The following CLVS1 variants were observed in gnomAD, a reference collection of about 807,000 sequenced individuals.
CLVS1 encodes clavesin-1.
Under a neutral mutation model 33.1 loss-of-function variants are expected in CLVS1, and 10 were observed. That is an observed-to-expected ratio of 0.30 (90% CI 0.19 to 0.51). The LOEUF is 0.51. CLVS1 is among the 20% of genes least tolerant of loss of function. The probability of loss-of-function intolerance (pLI) is 0.97; values close to 1 mark genes in which losing one functional copy is unlikely to be tolerated. For synonymous variants in CLVS1, 163 were observed against 166.1 expected (o/e 0.98, Z 0.14); for missense variants, 343 against 433.4 (o/e 0.79, Z 1.85).
upstream of CLVS1, among the ~76,000 whole-genome samples, chr8:61,056,178 T>G (rs1366414971): frequency 1.3e-5 from 2 of 152,228 alleles, no homozygotes; most frequent in Non-Finnish European, 2.9e-5. Context: ...GGCAGTAGTT[T>G]CTGCCTCCTG....
chr8:61,317,472 C>A (rs1811053541), intron 2 of CLVS1, among the ~76,000 whole-genome samples: 1 of 152,102 alleles, frequency 6.6e-6, no homozygotes, highest in African/African-American at 2.4e-5. Context: ...CAATTTTTAT[C>A]CCCTAGGATT....
In CLVS1 at chr8:61,078,058, C is replaced by A. The variant is rs1346889673; in HGVS notation, c.-243+20828C>A. 2.0e-5 allele frequency among the ~76,000 whole-genome samples: 3 copies of A among 152,318 alleles called. No individual in the cohort carries two copies. The South Asian group carries it at 6.2e-4, about 32-fold the overall frequency. On this transcript the variant is annotated intron_variant, in intron 1 of 2. Coordinates refer to the CLVS1 transcript ENST00000522621. ...GGAGGAAGCCGAGGGGAGCGCTGAT[C>A]TGAAGTTTTAAACAGAGCCCCAGTG...
At chr8:61,422,577 C>T (rs1815721646) in intron 3 of CLVS1, among the ~76,000 whole-genome samples, 1 of 152,120 alleles carries the variant, frequency 6.6e-6, no homozygotes, top group Non-Finnish European at 1.5e-5. Flanking sequence ...CTTTTAAGGC[C>T]TAATGTATAC....
intron 2 of CLVS1, among the ~76,000 whole-genome samples, chr8:61,268,090 T>A (rs551480118): frequency 2.6e-4 from 40 of 152,076 alleles, no homozygotes; most frequent in Middle Eastern, 6.8e-3. Context: ...TATGTATACA[T>A]GTGCCATGCT....
the CLVS1 span, among the ~76,000 whole-genome samples, chr8:61,015,644 G>T: frequency 9.2e-5 from 14 of 152,212 alleles, no homozygotes; most frequent in African/African-American, 3.4e-4. Flanking sequence ...AGAAAAGTGA[G>T]TCAAATTGAG....
chr8:61,473,969 T>C (rs1438018653), intron 5 of CLVS1, among the ~76,000 whole-genome samples: 1 of 152,066 alleles, frequency 6.6e-6, no homozygotes, highest in East Asian at 1.9e-4. Context: ...TCTCCTGTTC[T>C]AAAGCTCAGG....
At chr8:61,051,618 C>T in the CLVS1 span, among the ~76,000 whole-genome samples, 116 of 152,368 alleles carry the variant, frequency 7.6e-4, no homozygotes, top group African/African-American at 2.5e-3. Flanking sequence ...GCCCCACATC[C>T]GCAAAGAGCT....
intron 2 of CLVS1, among the ~76,000 whole-genome samples, chr8:61,209,763 A>G (rs1563446185): frequency 6.6e-6 from 1 of 152,232 alleles, no homozygotes; most frequent in Non-Finnish European, 1.5e-5. Flanking sequence ...AATTAAATAG[A>G]TGAATTTCAA....
intron 3 of CLVS1, among the ~76,000 whole-genome samples, chr8:61,415,188 C>T (rs544108742): frequency 1.6e-3 from 249 of 152,356 alleles, no homozygotes; most frequent in African/African-American, 5.3e-3. Context: ...TCACAGGCTT[C>T]GTTACTTCAC....
chr8:61,298,258 T>A (rs181533822), intron 1 of CLVS1, among the ~76,000 whole-genome samples: 74 of 152,266 alleles, frequency 4.9e-4, no homozygotes, highest in African/African-American at 1.7e-3. Context: ...TGGGAAGAGT[T>A]TGTAATACTA....
intron 2 of CLVS1, among the ~76,000 whole-genome samples, chr8:61,143,723 G>A (rs1211220415): frequency 6.7e-6 from 1 of 148,326 alleles, no homozygotes; most frequent in East Asian, 2.0e-4. Flanking sequence ...GATCTTCTTT[G>A]CTGTGCTCTT....
the CLVS1 span, among the ~76,000 whole-genome samples, chr8:61,001,379 C>T: frequency 7.0e-4 from 107 of 152,294 alleles, no homozygotes; most frequent in Non-Finnish European, 1.3e-3. Flanking sequence ...ATTTTCTATC[C>T]TTTCTTCATA....
At chr8:61,495,605 A>G (rs994771003) in intron 5 of CLVS1, among the ~76,000 whole-genome samples, 4 of 152,194 alleles carry the variant, frequency 2.6e-5, no homozygotes, top group Admixed American at 6.5e-5. Flanking sequence ...AAATTCAAGA[A>G]AATGAAATTT....
At chr8:60,989,173 C>CT in the CLVS1 span, among the ~76,000 whole-genome samples, 40 of 151,094 alleles carry the variant, frequency 2.6e-4, no homozygotes, top group African/African-American at 6.8e-4. Flanking sequence ...GCCCCAGATT[C>CT]TTTTTTTTTG....
At position 61,182,408 on chromosome 8, in the gene CLVS1, G is replaced by C. The variant is rs563786524; in HGVS notation, c.-152+50548G>C. 1.1e-4 allele frequency among the ~76,000 whole-genome samples: 16 copies of C among 152,232 alleles called. No homozygotes were observed. The East Asian group carries it at 2.9e-3, about 28-fold the overall frequency. On this transcript the variant is annotated intron_variant, in intron 2 of 2. Coordinates refer to the CLVS1 transcript ENST00000522621. Reference sequence around the variant, plus strand: ...AGTGAAAAGGCAACCTACAGAATGAGAGAAAATTTTTGCAATCTACCCATC... The same window carrying C: ...AGTGAAAAGGCAACCTACAGAATGACAGAAAATTTTTGCAATCTACCCATC...
chr8:61,082,388 A>G lies in CLVS1; in HGVS notation c.-243+25158A>G, dbSNP rs554242979. 2.6e-3 allele frequency among the ~76,000 whole-genome samples: 398 copies of G among 152,304 alleles called. 2 individuals carry two copies. The highest frequency in any genetic ancestry group is 9.3e-3 in the African/African-American group (386 of 41,570). On this transcript the variant is annotated intron_variant, in intron 1 of 2. Transcript: ENST00000522621. ...AAGAGAAAAAATATTTGAGGGAATA[A>G]TGACTGAGAATTTTCTAAAATTAAT...
At chr8:61,392,558 A>C (rs1814346240) in intron 3 of CLVS1, among the ~76,000 whole-genome samples, 2 of 151,870 alleles carry the variant, frequency 1.3e-5, no homozygotes. Flanking sequence ...CTTATCCCTC[A>C]CTTATGATTA....
At chr8:61,128,752 C>A (rs774987535) in intron 1 of CLVS1, among the ~76,000 whole-genome samples, 1 of 152,238 alleles carries the variant, frequency 6.6e-6, no homozygotes, top group Non-Finnish European at 1.5e-5. Context: ...TTTTCATTCT[C>A]AGCCCTGCCC....
chr8:61,303,878 A>G (rs1313926844), intron 2 of CLVS1, among the ~76,000 whole-genome samples: 8 of 152,250 alleles, frequency 5.3e-5, no homozygotes, highest in African/African-American at 1.7e-4. Flanking sequence ...TAGTATTATC[A>G]CTAATACTAT....
Sources: gnomAD v4.1 joint callset for allele counts (sites outside exome capture counted in the v4.1 genomes callset) on GRCh38, gnomAD v4.1.1 for gene constraint, MANE v1.5 for transcripts, NCBI Gene and HGNC (gene_info 2026-07-23, HGNC 2026-07-21) for gene names.